Variants in PXN observed in about 807,000 individuals in gnomAD.
PXN encodes paxillin, also known as testicular tissue protein Li 134.
Under a neutral mutation model 103.6 loss-of-function variants are expected in PXN, and 61 were observed. The observed-to-expected ratio is 0.59, with a 90% CI of 0.48 to 0.73. The LOEUF (loss-of-function observed/expected upper bound fraction) is 0.73, where lower values mean the gene tolerates loss of function less well. Ranked by LOEUF, PXN falls within the 30% of genes least tolerant of loss-of-function variation. The pLI is 0.00. For synonymous variants in PXN, 562 were observed against 607.8 expected (o/e 0.92, Z 1.11); for missense variants, 1,274 against 1,460.3 (o/e 0.87, Z 2.08).
intron 1 of PXN, among the ~76,000 whole-genome samples, chr12:120,260,371 T>C (rs1003536984): frequency 5.3e-5 from 8 of 151,620 alleles, no homozygotes; most frequent in Non-Finnish European, 1.0e-4. Context: ...TAGCTGGGCA[T>C]GGTGGCTCAT....
intron 1 of PXN, among the ~76,000 whole-genome samples, chr12:120,253,397 CCA>C (rs1479005963): frequency 6.6e-6 from 1 of 152,086 alleles, no homozygotes; most frequent in African/African-American, 2.4e-5. Flanking sequence ...TGCTTGAACC[CCA>C]GAGGCGGAGG....
At position 120,222,086 on chromosome 12, in the gene PXN, C is replaced by T. The variant is rs888809670; in HGVS notation, c.696-328G>A. ...TAACACGACGGCACTGGTAAGAGCTCGCGTGTTGGGCACTCACCATGTGTG... is the reference window on the plus strand; with the variant it reads ...TAACACGACGGCACTGGTAAGAGCTTGCGTGTTGGGCACTCACCATGTGTG... On this transcript the variant is annotated intron_variant, in intron 5 of 14. Transcript: ENST00000637617. The surrounding 1 kb of genome is among the most constrained non-coding windows in gnomAD (Gnocchi z 4.7). Among the ~76,000 whole-genome samples the T allele has an allele frequency of 6.6e-6, 1 of 152,194 alleles. No homozygotes were observed. The highest frequency in any genetic ancestry group is 2.4e-5 in the African/African-American group (1 of 41,450).
rs1880444258 is a variant in PXN, at chr12:120,212,369, T to C, written c.3191A>G (p.Lys1064Arg). ...CLKQLNKGTF[K>R]EQNDKPYCQN... The stretch of plus-strand genomic sequence containing the variant: ...ACAGTAAGGCTTGTCGTTCTGCTCC[T>C]TGAAGGTGCCCTTGTTGAGCTGCTT... Residue 1064 changes from lysine (K) to arginine (R), a missense_variant, in exon 15 of 15, where the codon AAG (lysine) becomes AGG (arginine). Coordinates refer to ENST00000637617, the MANE Select transcript of PXN (RefSeq NM_001385981.1). This position sits in a 1 kb window ranked among gnomAD's most constrained non-coding sequence, Gnocchi z 7.2. 2 of 1,614,014 alleles carry C rather than the reference T, an allele frequency of 1.2e-6. No homozygotes were observed. Among genetic ancestry groups the C allele is most frequent in the Non-Finnish European group, 1.7e-6 (2 of 1,179,890 alleles).
intron 1 of PXN, among the ~76,000 whole-genome samples, chr12:120,255,761 G>A (rs1035934746): frequency 7.2e-5 from 11 of 151,758 alleles, no homozygotes; most frequent in Admixed American, 3.3e-4. Context: ...GTTAGTAAGT[G>A]CAGGTCAGGC....
In PXN at chr12:120,224,987, C is replaced by T. The variant is rs943673813; in HGVS notation, c.14-610G>A. Reference sequence around the variant, plus strand: ...GGAGTGAGGCTGGTGCAGCGGTCCCCACCCCCTCAGTGAGCAGGGGGCAAG... The same window carrying T: ...GGAGTGAGGCTGGTGCAGCGGTCCCTACCCCCTCAGTGAGCAGGGGGCAAG... On this transcript the variant is annotated intron_variant, in intron 1 of 14. Transcript: ENST00000637617. This position sits in a 1 kb window ranked among gnomAD's most constrained non-coding sequence, Gnocchi z 5.0. 19 of 339,598 alleles carry T rather than the reference C, an allele frequency of 5.6e-5. No individual in the cohort carries two copies. The highest frequency in any genetic ancestry group is 3.9e-4 in the African/African-American group (18 of 46,458). The allele number at this position is 339,598 out of a possible 1,614,324, so 21.0% of individuals were successfully genotyped here.
intron 1 of PXN, among the ~76,000 whole-genome samples, chr12:120,244,856 A>G (rs1890787938): frequency 6.6e-6 from 1 of 151,680 alleles, no homozygotes; most frequent in African/African-American, 2.4e-5. Context: ...AATAAAATAA[A>G]TAATAAATAA....
chr12:120,215,677 A>G lies in PXN; in HGVS notation c.2302-16T>C. 6.3e-7 allele frequency: 1 copy of G among 1,589,740 alleles called. No homozygotes were observed. Among genetic ancestry groups the G allele is most frequent in the Non-Finnish European group, 8.5e-7 (1 of 1,171,206 alleles). ...GGCCCTGGATCTTAGATAGGGGAAG[A>G]GATGAGGGTAAGAAATCTTTTTTAA... On this transcript the variant is annotated splice_polypyrimidine_tract_variant and intron_variant, in intron 9 of 14. Coordinates refer to ENST00000637617, the MANE Select transcript of PXN (RefSeq NM_001385981.1). The surrounding 1 kb of genome is among the most constrained non-coding windows in gnomAD (Gnocchi z 4.9).
In PXN at chr12:120,212,063, A is replaced by C; in HGVS notation, c.*251T>G. 1.4e-6 allele frequency: 1 copy of C among 715,494 alleles called. No individual in the cohort carries two copies. The highest frequency in any genetic ancestry group is 2.6e-6 in the Non-Finnish European group (1 of 389,132). The allele number at this position is 715,494 out of a possible 1,614,324, so 44.3% of individuals were successfully genotyped here. ...GGCTGGGGTGGAGCCCCCAGCCTCT[A>C]CCCCTGGGGAGGATGGAGAGTGGGC... is the stretch of plus-strand genomic sequence containing the variant. On this transcript the variant is annotated 3_prime_UTR_variant, in exon 15 of 15. Transcript: ENST00000637617. The surrounding 1 kb of genome is among the most constrained non-coding windows in gnomAD (Gnocchi z 7.2).
chr12:120,234,895 G>A (rs992099934), intron 1 of PXN, among the ~76,000 whole-genome samples: 8 of 152,092 alleles, frequency 5.3e-5, no homozygotes, highest in African/African-American at 1.9e-4. Context: ...GGGAGGAGTC[G>A]GAGCCAGGGA....
At chr12:120,254,037 C>T (rs999254273) in intron 1 of PXN, among the ~76,000 whole-genome samples, 18 of 152,266 alleles carry the variant, frequency 1.2e-4, no homozygotes, top group Non-Finnish European at 2.5e-4. Flanking sequence ...CGTGCCACCA[C>T]GCTTGGCTAA....
chr12:120,215,713 A>C lies in PXN; in HGVS notation c.2302-52T>G. 1 of 1,541,750 alleles carries C rather than the reference A, an allele frequency of 6.5e-7. No individual in the cohort carries two copies. Among genetic ancestry groups the C allele is most frequent in the South Asian group, 1.2e-5 (1 of 83,602 alleles). ...AGAAATCTTTTTTAAAAATTAAGAAAGAATACAAGACCTTGTCACTGGACT... is the reference window on the plus strand; with the variant it reads ...AGAAATCTTTTTTAAAAATTAAGAACGAATACAAGACCTTGTCACTGGACT... On this transcript the variant is annotated intron_variant, in intron 9 of 14. Coordinates refer to ENST00000637617, the MANE Select transcript of PXN (RefSeq NM_001385981.1). The surrounding 1 kb of genome is among the most constrained non-coding windows in gnomAD (Gnocchi z 4.9).
chr12:120,250,157 G>A (rs1247612461), intron 1 of PXN: 3 of 985,646 alleles, frequency 3.0e-6, no homozygotes, highest in Non-Finnish European at 3.6e-6. Context: ...GAGTACACAG[G>A]GGAAATGGCA....
At chr12:120,248,828 T>C (rs1566428316) in intron 1 of PXN, 1 of 152,052 alleles carries the variant, frequency 6.6e-6, no homozygotes, top group Non-Finnish European at 1.5e-5. Context: ...ACAGAGTGAG[T>C]AACACTATAT....
intron 1 of PXN, among the ~76,000 whole-genome samples, chr12:120,230,489 CAGTG>C (rs1887783752): frequency 6.6e-6 from 1 of 152,176 alleles, no homozygotes; most frequent in Non-Finnish European, 1.5e-5. Context: ...GGGATATAAG[CAGTG>C]AGCAGGGCTT....
intron 1 of PXN, among the ~76,000 whole-genome samples, chr12:120,252,426 T>C (rs1892339848): frequency 6.6e-6 from 1 of 152,000 alleles, no homozygotes; most frequent in African/African-American, 2.4e-5. Flanking sequence ...AAAAAAGCCT[T>C]CTCAAAAAGG....
At position 120,217,126 on chromosome 12, in the gene PXN, G is replaced by A; in HGVS notation, c.1717-10C>T. The stretch of plus-strand genomic sequence containing the variant: ...TGATCACAGATCGGATCTAGGGGGA[G>A]GGGGAGGGGAGGCTGTCACCGTCCC... On this transcript the variant is annotated splice_polypyrimidine_tract_variant and intron_variant, in intron 7 of 14. Coordinates refer to ENST00000637617, the MANE Select transcript of PXN (RefSeq NM_001385981.1). The surrounding 1 kb of genome is among the most constrained non-coding windows in gnomAD (Gnocchi z 4.1). 4 of 1,573,576 alleles carry A rather than the reference G, an allele frequency of 2.5e-6. No individual in the cohort carries two copies. Among genetic ancestry groups the A allele is most frequent in the Non-Finnish European group, 3.4e-6 (4 of 1,167,280 alleles).
At chr12:120,237,215 G>A (rs986451527) in intron 1 of PXN, among the ~76,000 whole-genome samples, 14 of 151,636 alleles carry the variant, frequency 9.2e-5, no homozygotes, top group African/African-American at 3.2e-4. Flanking sequence ...CTGGGGTACA[G>A]TGGCATGATC....
chr12:120,250,701 G>A (rs930536411), intron 1 of PXN, among the ~76,000 whole-genome samples: 1 of 152,096 alleles, frequency 6.6e-6, no homozygotes, highest in Non-Finnish European at 1.5e-5. Flanking sequence ...CCAGCCCAAG[G>A]GTGTGGCCAT....
intron 1 of PXN, among the ~76,000 whole-genome samples, chr12:120,250,431 T>G (rs1235851165): frequency 1.3e-5 from 2 of 152,162 alleles, no homozygotes; most frequent in Non-Finnish European, 2.9e-5. Context: ...TTTTTTCTAC[T>G]GCTACTAGGA....
Sources: allele counts gnomAD v4.1 joint callset (sites outside exome capture counted in the v4.1 genomes callset), GRCh38; gene constraint gnomAD v4.1.1; non-coding constraint Gnocchi (gnomAD v3.1); transcripts MANE v1.5; gene names NCBI Gene and HGNC (gene_info 2026-07-23, HGNC 2026-07-21).